EPHA6: variants seen among roughly 807,000 people sequenced by gnomAD.
The protein encoded by EPHA6 is EPH receptor A6.
In EPHA6, 50 loss-of-function variants were observed where a neutral mutation model predicts 112.0. The ratio of observed to expected loss-of-function variants is 0.45; its 90% CI spans 0.36 to 0.56. The LOEUF (loss-of-function observed/expected upper bound fraction) is 0.56. EPHA6 is among the 20% of genes least tolerant of loss of function. The pLI is 0.00. For synonymous variants in EPHA6, 529 were observed against 490.7 expected (o/e 1.08, Z -1.03); for missense variants, 1,280 against 1,417.4 (o/e 0.90, Z 1.56).
intron 14 of EPHA6, among the ~76,000 whole-genome samples, chr3:97,678,942 ACT>A (rs1288881737): frequency 6.6e-6 from 1 of 151,846 alleles, no homozygotes; most frequent in African/African-American, 2.4e-5. Context: ...CCAATCTGAA[ACT>A]CTATCTTTTA....
rs2035966743 is a variant in EPHA6, at chr3:97,754,135, C to T, written c.*5434C>T. ...TGGAGTTTCCCTCTTGTTGCCCAGG[C>T]TGGAGTGCAATGGTGCAATCTTGGC... On this transcript the variant is annotated 3_prime_UTR_variant, in exon 18 of 18. Transcript: ENST00000389672. Among the ~76,000 whole-genome samples the T allele has an allele frequency of 7.5e-6, 1 of 133,164 alleles. No individual in the cohort carries two copies. Among genetic ancestry groups the T allele is most frequent in the African/African-American group, 2.9e-5 (1 of 34,990 alleles). 87.4% of individuals were successfully genotyped at this position (133,164 alleles called of 152,430 possible). A position where few individuals can be genotyped will look rare whatever the true frequency, so the allele number is the denominator to read the frequency against.
intron 5 of EPHA6, among the ~76,000 whole-genome samples, chr3:97,253,333 T>C (rs964936943): frequency 1.4e-4 from 22 of 152,294 alleles, no homozygotes; most frequent in Non-Finnish European, 3.2e-4. Flanking sequence ...CTTTTAGTAA[T>C]GAAAGATTAA....
At chr3:97,066,367 T>C (rs2046179097) in intron 3 of EPHA6, among the ~76,000 whole-genome samples, 1 of 152,088 alleles carries the variant, frequency 6.6e-6, no homozygotes, top group Admixed American at 6.6e-5. Context: ...ATACTAGATA[T>C]AGGGATTACA....
chr3:97,046,015 A>C (rs1454580798), intron 3 of EPHA6, among the ~76,000 whole-genome samples: 1 of 152,156 alleles, frequency 6.6e-6, no homozygotes, highest in Non-Finnish European at 1.5e-5. Flanking sequence ...TAAAGTCCTC[A>C]AGACACAGAA....
intron 5 of EPHA6, among the ~76,000 whole-genome samples, chr3:97,294,810 C>T (rs2108694962): frequency 6.6e-6 from 1 of 152,248 alleles, no homozygotes; most frequent in African/African-American, 2.4e-5. Flanking sequence ...TTCCCTTAGT[C>T]TTTGCTTCTC....
intron 5 of EPHA6, among the ~76,000 whole-genome samples, chr3:97,256,870 G>T (rs2079331579): frequency 6.6e-6 from 1 of 151,968 alleles, no homozygotes; most frequent in South Asian, 2.1e-4. Context: ...TCTCATCCAG[G>T]AATGTCTTCT....
chr3:96,884,780 G>A (rs912236989), intron 2 of EPHA6, among the ~76,000 whole-genome samples: 7 of 152,150 alleles, frequency 4.6e-5, no homozygotes, highest in Non-Finnish European at 1.0e-4. Flanking sequence ...AGTGGTGAGA[G>A]TGGGCATCCT....
chr3:97,265,062 T>A (rs2079629229), intron 5 of EPHA6, among the ~76,000 whole-genome samples: 1 of 152,122 alleles, frequency 6.6e-6, no homozygotes, highest in African/African-American at 2.4e-5. Flanking sequence ...AGAGGTTAGT[T>A]CCTCTCTGCA....
At chr3:97,419,076 G>A (rs575288768) in intron 6 of EPHA6, among the ~76,000 whole-genome samples, 1 of 152,220 alleles carries the variant, frequency 6.6e-6, no homozygotes, top group South Asian at 2.1e-4. Flanking sequence ...AAGCCAAGGC[G>A]GGCGAATCAC....
Position 97,721,763 on chromosome 3 carries a change from T to C in EPHA6, c.2934+1353T>C, listed in dbSNP as rs545374507. On this transcript the variant is annotated intron_variant, in intron 15 of 17. Coordinates refer to ENST00000389672, the MANE Select transcript of EPHA6 (RefSeq NM_001080448.3). ...AATCATATTTGAAGGACTCCTTTGC[T>C]CTTCCCTGCCATTGGGCTTTGTTTG... Among the ~76,000 whole-genome samples, 16 of 152,364 alleles carry C rather than the reference T, an allele frequency of 1.1e-4. No homozygotes were observed. In the South Asian group the frequency reaches 3.3e-3, roughly 32 times the overall value.
At chr3:97,277,996 C>T (rs2080153639) in intron 5 of EPHA6, among the ~76,000 whole-genome samples, 2 of 152,170 alleles carry the variant, frequency 1.3e-5, no homozygotes, top group South Asian at 4.1e-4. Context: ...CTTCTAGGAC[C>T]ACTGTCATAT....
chr3:97,017,910 G>T (rs1303360328), intron 3 of EPHA6, among the ~76,000 whole-genome samples: 1 of 150,904 alleles, frequency 6.6e-6, no homozygotes, highest in Non-Finnish European at 1.5e-5. Flanking sequence ...CTTCTTTAAG[G>T]CAAGTAACTC....
intron 3 of EPHA6, among the ~76,000 whole-genome samples, chr3:97,025,216 C>T (rs2044596788): frequency 6.6e-6 from 1 of 152,124 alleles, no homozygotes; most frequent in African/African-American, 2.4e-5. Flanking sequence ...TTCGTAAGCA[C>T]TCACCATTAT....
intron 1 of EPHA6, among the ~76,000 whole-genome samples, chr3:96,848,472 C>T (rs544757303): frequency 3.3e-5 from 5 of 151,780 alleles, no homozygotes; most frequent in South Asian, 4.2e-4. Flanking sequence ...ACTAAAAATA[C>T]GAAAATTAGC....
intron 2 of EPHA6, among the ~76,000 whole-genome samples, chr3:96,880,957 G>T (rs2037280908): frequency 6.6e-6 from 1 of 151,964 alleles, no homozygotes; most frequent in Non-Finnish European, 1.5e-5. Context: ...GCACATTTTG[G>T]TTACTGTTAA....
intron 5 of EPHA6, among the ~76,000 whole-genome samples, chr3:97,294,010 A>G (rs2080789977): frequency 6.6e-6 from 1 of 152,228 alleles, no homozygotes; most frequent in Admixed American, 6.5e-5. Context: ...TTCAGCTACA[A>G]CATTGCTCCA....
intron 5 of EPHA6, among the ~76,000 whole-genome samples, chr3:97,396,935 A>T (rs1309352294): frequency 6.6e-6 from 1 of 151,768 alleles, no homozygotes; most frequent in Non-Finnish European, 1.5e-5. Context: ...TAATTCCCCT[A>T]AACATTTTTT....
chr3:97,247,640 T>C (rs2079022308), intron 5 of EPHA6, among the ~76,000 whole-genome samples: 1 of 151,910 alleles, frequency 6.6e-6, no homozygotes, highest in African/African-American at 2.4e-5. Context: ...GCTGATCATA[T>C]GTAAGATAGC....
chr3:97,255,494 G>C (rs966332579), intron 5 of EPHA6, among the ~76,000 whole-genome samples: 2 of 152,034 alleles, frequency 1.3e-5, no homozygotes, highest in Non-Finnish European at 2.9e-5. Flanking sequence ...CCTCAAAATA[G>C]GGAAGTGTTT....
Sources: gnomAD v4.1 joint callset for allele counts (sites outside exome capture counted in the v4.1 genomes callset) on GRCh38, gnomAD v4.1.1 for gene constraint, MANE v1.5 for transcripts, NCBI Gene and HGNC (gene_info 2026-07-23, HGNC 2026-07-21) for gene names.